Variants in NXN observed in about 807,000 individuals in gnomAD.
NXN encodes the protein nucleoredoxin.
In NXN, 16 loss-of-function variants were observed where a neutral mutation model predicts 48.6. The ratio of observed to expected loss-of-function variants is 0.33; its 90% CI spans 0.22 to 0.50. The LOEUF is 0.50. NXN is among the 20% of genes least tolerant of loss of function. The pLI, the probability that NXN is intolerant of heterozygous loss-of-function variation, is 0.98. For missense variants in NXN, 492 were observed against 605.5 expected (o/e 0.81, Z 1.97); for synonymous variants, 281 against 269.6 (o/e 1.04, Z -0.41).
chr17:919,790 A>T lies in NXN; in HGVS notation c.360+59529T>A, dbSNP rs1161401311. Among the ~76,000 whole-genome samples, 1 of 152,138 alleles carries T rather than the reference A, an allele frequency of 6.6e-6. No individual in the cohort carries two copies. Among genetic ancestry groups the T allele is most frequent in the Admixed American group, 6.6e-5 (1 of 15,266 alleles). Reference sequence around the variant, plus strand: ...GAGCGGTCCGGCACAAAACACCAGGAAACGCTCTCCCTTCCATCATTCAAT... The same window carrying T: ...GAGCGGTCCGGCACAAAACACCAGGTAACGCTCTCCCTTCCATCATTCAAT... On this transcript the variant is annotated intron_variant, in intron 1 of 7. Coordinates refer to ENST00000336868, the MANE Select transcript of NXN (RefSeq NM_022463.5). The surrounding 1 kb of genome is among the most constrained non-coding windows in gnomAD (Gnocchi z 5.1).
At chr17:857,677 CTCTT>C (rs1168357305) in intron 1 of NXN, among the ~76,000 whole-genome samples, 1 of 152,200 alleles carries the variant, frequency 6.6e-6, no homozygotes, top group Non-Finnish European at 1.5e-5. Flanking sequence ...AGCTGTAGCT[CTCTT>C]TCTCAATGGT....
intron 1 of NXN, among the ~76,000 whole-genome samples, chr17:888,692 C>A (rs1478760030): frequency 2.0e-5 from 3 of 151,858 alleles, no homozygotes; most frequent in African/African-American, 7.3e-5. Context: ...TGGTGGCTCG[C>A]ACCTGTAATC....
chr17:947,763 C>T (rs1052971576), intron 1 of NXN, among the ~76,000 whole-genome samples: 2 of 141,880 alleles, frequency 1.4e-5, no homozygotes, highest in African/African-American at 5.3e-5. Flanking sequence ...AAGGGCCAGG[C>T]ATGGTGGCTC....
At chr17:870,768 AAAG>A (rs2068143159) in intron 1 of NXN, among the ~76,000 whole-genome samples, 1 of 151,890 alleles carries the variant, frequency 6.6e-6, no homozygotes, top group Non-Finnish European at 1.5e-5. Context: ...AAAAAAAAAA[AAAG>A]AATCTTATCC....
At chr17:943,539 G>A (rs1333744160) in intron 1 of NXN, among the ~76,000 whole-genome samples, 3 of 152,114 alleles carry the variant, frequency 2.0e-5, no homozygotes, top group Admixed American at 6.5e-5. Context: ...GAATATTACC[G>A]GGCTGGGCAC....
intron 1 of NXN, chr17:910,875 A>C (rs1334663910): frequency 2.0e-5 from 3 of 152,214 alleles, no homozygotes; most frequent in African/African-American, 7.2e-5. Context: ...GGGATGTAAC[A>C]GGCGGCAGAA....
chr17:825,904 C>T lies in NXN; in HGVS notation c.478+57G>A. 9.1e-7 allele frequency: 1 copy of T among 1,099,400 alleles called. No homozygotes were observed. Among genetic ancestry groups the T allele is most frequent in the Non-Finnish European group, 1.4e-6 (1 of 730,768 alleles). The allele number at this position is 1,099,400 out of a possible 1,614,324, so 68.1% of individuals were successfully genotyped here. A position where few individuals can be genotyped will look rare whatever the true frequency, so the allele number is the denominator to read the frequency against. Reference sequence around the variant, plus strand: ...GGTGGGACGGAGATTAGCCTAAGGGCATGGAGGAGGGAGGGCTGGGTAATA... The same window carrying T: ...GGTGGGACGGAGATTAGCCTAAGGGTATGGAGGAGGGAGGGCTGGGTAATA... On this transcript the variant is annotated intron_variant, in intron 2 of 7. Coordinates refer to ENST00000336868, the MANE Select transcript of NXN (RefSeq NM_022463.5). This position sits in a 1 kb window ranked among gnomAD's most constrained non-coding sequence, Gnocchi z 4.1.
chr17:929,332 C>T (rs773819615), intron 1 of NXN, among the ~76,000 whole-genome samples: 15 of 152,220 alleles, frequency 9.9e-5, no homozygotes, highest in Non-Finnish European at 2.1e-4. Flanking sequence ...CACTGGTTCA[C>T]GTTATTAAAT....
chr17:801,300 G>A (rs985189277), intron 7 of NXN, among the ~76,000 whole-genome samples, 169 bp from the exon 8 acceptor site: 6 of 152,136 alleles, frequency 3.9e-5, no homozygotes, highest in East Asian at 1.9e-4. Context: ...CCTGCCTTCC[G>A]GAGGAAGGGG....
chr17:943,638 A>G (rs2069007408), intron 1 of NXN, among the ~76,000 whole-genome samples: 1 of 151,980 alleles, frequency 6.6e-6, no homozygotes, highest in African/African-American at 2.4e-5. Flanking sequence ...CCTGGCCAAC[A>G]TGGTGAAACC....
At position 809,882 on chromosome 17, in the gene NXN, G is replaced by A. The variant is rs570188038; in HGVS notation, c.821-4635C>T. Among the ~76,000 whole-genome samples, 58 of 147,606 alleles carry A rather than the reference G, an allele frequency of 3.9e-4. 4 individuals carry two copies. Among genetic ancestry groups the A allele is most frequent in the East Asian group, 6.2e-4 (3 of 4,866 alleles). On this transcript the variant is annotated intron_variant, in intron 5 of 7. Coordinates refer to ENST00000336868, the MANE Select transcript of NXN (RefSeq NM_022463.5). Reference sequence around the variant, plus strand: ...CACCTTACGAGTCAGTGTGAGTGGCGTGTACGTTAAGAGTCCCTGTGAGTG... The same window carrying A: ...CACCTTACGAGTCAGTGTGAGTGGCATGTACGTTAAGAGTCCCTGTGAGTG...
At chr17:813,347 G>A (rs1912276859) in intron 5 of NXN, among the ~76,000 whole-genome samples, 1 of 152,256 alleles carries the variant, frequency 6.6e-6, no homozygotes, top group South Asian at 2.1e-4. Flanking sequence ...TGATACCAGT[G>A]AAACCAGGGA....
intron 1 of NXN, among the ~76,000 whole-genome samples, chr17:971,299 C>G (rs1412488955): frequency 1.3e-5 from 2 of 152,070 alleles, no homozygotes; most frequent in African/African-American, 4.8e-5. Flanking sequence ...GAGAGTCAAG[C>G]TTTTTCCTAT....
chr17:804,025 G>A (rs1463557590), intron 6 of NXN: 11 of 574,512 alleles, frequency 1.9e-5, no homozygotes, highest in Non-Finnish European at 2.5e-5. Context: ...CTCCTGCACC[G>A]GGCTCCCCAG....
intron 1 of NXN, among the ~76,000 whole-genome samples, chr17:863,037 G>A (rs925668757): frequency 1.3e-5 from 2 of 152,132 alleles, no homozygotes; most frequent in African/African-American, 2.4e-5. Context: ...AGTATACTCA[G>A]GGGATTGGTT....
intron 1 of NXN, among the ~76,000 whole-genome samples, chr17:862,140 C>T (rs1264102308): frequency 6.6e-6 from 1 of 151,890 alleles, no homozygotes; most frequent in African/African-American, 2.4e-5. Context: ...CAATGAGGGG[C>T]TCTTCATAAA....
chr17:812,852 ATG>A (rs1491411111), intron 5 of NXN, among the ~76,000 whole-genome samples: 39 of 127,694 alleles, frequency 3.1e-4, no homozygotes, highest in African/African-American at 8.5e-4. Context: ...AGGTGTGTGC[ATG>A]TGTGTAGGTG....
intron 1 of NXN, among the ~76,000 whole-genome samples, chr17:907,342 A>AT (rs3062164): frequency 0.062 from 9,071 of 145,708 alleles, 366 homozygotes; most frequent in South Asian, 0.22. Flanking sequence ...CTCAATACCT[A>AT]TTTTTTTTTT....
At chr17:968,562 C>T (rs2069333932) in intron 1 of NXN, among the ~76,000 whole-genome samples, 1 of 151,868 alleles carries the variant, frequency 6.6e-6, no homozygotes, top group East Asian at 2.0e-4. Context: ...ACAGCAAGAG[C>T]TCTCTCACAC....
Sources: allele counts gnomAD v4.1 joint callset (sites outside exome capture counted in the v4.1 genomes callset), GRCh38; gene constraint gnomAD v4.1.1; non-coding constraint Gnocchi (gnomAD v3.1); transcripts MANE v1.5; gene names NCBI Gene and HGNC (gene_info 2026-07-23, HGNC 2026-07-21).